The following CFAP20DC variants were observed in gnomAD, a reference collection of about 807,000 sequenced individuals.
CFAP20DC encodes protein CFAP20DC.
CFAP20DC carries 84 observed loss-of-function variants against 101.7 expected under a neutral mutation model. The observed-to-expected ratio is 0.83, with a 90% CI of 0.69 to 0.99. The LOEUF is 0.99. CFAP20DC is among the 50% of genes least tolerant of loss of function. The pLI is 0.00. For missense variants in CFAP20DC, 1,007 were observed against 970.3 expected, an observed-to-expected ratio of 1.04 and a Z score of -0.50; for synonymous variants, 359 against 351.2, an observed-to-expected ratio of 1.02 and a Z score of -0.25.
intron 14 of CFAP20DC, among the ~76,000 whole-genome samples, chr3:58,818,879 A>C (rs1237369637): frequency 7.7e-4 from 109 of 140,878 alleles, no homozygotes; most frequent in African/African-American, 1.8e-3. Flanking sequence ...AAAATTGACC[A>C]CATACTGGGA....
At chr3:58,812,339 T>C (rs558908291) in intron 14 of CFAP20DC, among the ~76,000 whole-genome samples, 2 of 152,168 alleles carry the variant, frequency 1.3e-5, no homozygotes, top group South Asian at 2.1e-4. Flanking sequence ...GATTAAGAAA[T>C]TGTGGCACAT....
intron 14 of CFAP20DC, among the ~76,000 whole-genome samples, chr3:58,813,715 A>C (rs1439122458): frequency 6.6e-6 from 1 of 151,884 alleles, no homozygotes; most frequent in African/African-American, 2.4e-5. Flanking sequence ...TTTAAATCAA[A>C]CACCCCATCT....
At chr3:58,967,409 C>T (rs1010750313) in intron 4 of CFAP20DC, among the ~76,000 whole-genome samples, 1 of 152,084 alleles carries the variant, frequency 6.6e-6, no homozygotes, top group Non-Finnish European at 1.5e-5. Context: ...AACTATACAT[C>T]TCTTAGAATA....
intron 15 of CFAP20DC, among the ~76,000 whole-genome samples, chr3:58,765,443 C>T (rs1432142966): frequency 8.8e-6 from 1 of 113,248 alleles, no homozygotes; most frequent in Non-Finnish European, 1.6e-5. Context: ...CTTAAAGAGT[C>T]ATGGTCTGAT....
chr3:59,048,732 G>A (rs1046699735), intron 1 of CFAP20DC, among the ~76,000 whole-genome samples: 5 of 152,164 alleles, frequency 3.3e-5, no homozygotes, highest in African/African-American at 4.8e-5. Flanking sequence ...CAATAAAGAG[G>A]TGGAGACGGG....
rs1219793319 is a variant in CFAP20DC, at chr3:58,892,010, T to G, written c.551-7301A>C. Among the ~76,000 whole-genome samples, 1 of 152,220 alleles carries G rather than the reference T, an allele frequency of 6.6e-6. No homozygotes were observed. Among genetic ancestry groups the G allele is most frequent in the African/African-American group, 2.4e-5 (1 of 41,466 alleles). On this transcript the variant is annotated intron_variant, in intron 6 of 16. Transcript: ENST00000482387. This position sits in a 1 kb window ranked among gnomAD's most constrained non-coding sequence, Gnocchi z 4.0. ...AATCCATCTTGAGTTGATTTTTGTA[T>G]ATGGTGTAAGAAAGGGGTCCAGCTT...
chr3:59,044,159 C>T (rs532343862), intron 3 of CFAP20DC, among the ~76,000 whole-genome samples: 5 of 152,108 alleles, frequency 3.3e-5, no homozygotes, highest in South Asian at 2.1e-4. Context: ...AAATAGGGTA[C>T]CTAATGTCAA....
chr3:58,794,497 A>G (rs1415837585), intron 15 of CFAP20DC, among the ~76,000 whole-genome samples: 5 of 152,208 alleles, frequency 3.3e-5, no homozygotes, highest in Admixed American at 2.0e-4. Flanking sequence ...TTTATATGGT[A>G]ATGAACAGCA....
chr3:58,980,610 G>C (rs1404648448), intron 4 of CFAP20DC, among the ~76,000 whole-genome samples: 3 of 152,162 alleles, frequency 2.0e-5, no homozygotes, highest in Non-Finnish European at 4.4e-5. Context: ...AAAACCACAT[G>C]ATTATCTCAA....
intron 3 of CFAP20DC, among the ~76,000 whole-genome samples, chr3:58,734,212 G>A (rs1202979844): frequency 6.6e-6 from 1 of 152,162 alleles, no homozygotes; most frequent in Non-Finnish European, 1.5e-5. Flanking sequence ...GTTTCATGAG[G>A]CCTCTCAGCC....
Position 59,005,086 on chromosome 3 carries a change from C to T in CFAP20DC, c.278+34471G>A, listed in dbSNP as rs559787901. On this transcript the variant is annotated intron_variant, in intron 4 of 16. Transcript: ENST00000482387. The stretch of plus-strand genomic sequence containing the variant: ...AACTTGGGGTATGGCCATGAACTTG[C>T]TTTGACCAACAAAATGAGGCAGAAG... 2.0e-4 allele frequency among the ~76,000 whole-genome samples: 31 copies of T among 152,238 alleles called. 1 individual carries two copies. The East Asian group carries it at 3.9e-3, about 19-fold the overall frequency.
chr3:59,029,023 C>T (rs73837017), intron 4 of CFAP20DC, among the ~76,000 whole-genome samples: 2,903 of 152,226 alleles, frequency 0.019, 82 homozygotes, highest in African/African-American at 0.065. Flanking sequence ...TCATATGTTC[C>T]CCACTGATCT....
chr3:58,757,239 T>A (rs1423699067), intron 15 of CFAP20DC, among the ~76,000 whole-genome samples: 1 of 152,086 alleles, frequency 6.6e-6, no homozygotes, highest in East Asian at 1.9e-4. Context: ...TGTGAATATT[T>A]TAATGCTTTC....
intron 6 of CFAP20DC, among the ~76,000 whole-genome samples, chr3:58,904,703 T>A (rs2083440839): frequency 6.6e-6 from 1 of 152,190 alleles, no homozygotes; most frequent in Non-Finnish European, 1.5e-5. Context: ...AATTCCATCT[T>A]GTGTGACTGC....
At chr3:58,926,470 A>C (rs1576334965) in intron 5 of CFAP20DC, among the ~76,000 whole-genome samples, 1 of 152,348 alleles carries the variant, frequency 6.6e-6, no homozygotes, top group Non-Finnish European at 1.5e-5. Context: ...TCAACATTAC[A>C]ATGAATTCTA....
chr3:58,845,634 A>T (rs1173054182), intron 13 of CFAP20DC, among the ~76,000 whole-genome samples: 5 of 152,166 alleles, frequency 3.3e-5, no homozygotes, highest in Non-Finnish European at 1.5e-5. Flanking sequence ...ATCAATACAA[A>T]AAGAGGGAAT....
At chr3:59,013,840 G>C (rs1462392978) in intron 4 of CFAP20DC, among the ~76,000 whole-genome samples, 3 of 152,086 alleles carry the variant, frequency 2.0e-5, no homozygotes, top group Non-Finnish European at 4.4e-5. Flanking sequence ...TCTTCCTACT[G>C]TTTGAATATA....
At chr3:58,821,813 A>C (rs2075668241) in intron 14 of CFAP20DC, among the ~76,000 whole-genome samples, 1 of 137,990 alleles carries the variant, frequency 7.2e-6, no homozygotes, top group Non-Finnish European at 1.6e-5. Context: ...CCAAAGGACT[A>C]TAAATCATGC....
In CFAP20DC at chr3:58,863,221, G is replaced by A; in HGVS notation, c.1593+337C>T. The A allele has an allele frequency of 7.6e-7, 1 of 1,308,496 alleles. No individual in the cohort carries two copies. Among genetic ancestry groups the A allele is most frequent in the Non-Finnish European group, 9.7e-7 (1 of 1,032,696 alleles). The allele number at this position is 1,308,496 out of a possible 1,614,324, so 81.1% of individuals were successfully genotyped here. A position where few individuals can be genotyped will look rare whatever the true frequency, so the allele number is the denominator to read the frequency against. On this transcript the variant is annotated intron_variant, in intron 12 of 16. Transcript: ENST00000482387. This position sits in a 1 kb window ranked among gnomAD's most constrained non-coding sequence, Gnocchi z 5.9. ...ACAATTTCTCCAGAGATCTAGAACA[G>A]TATATTCTCAGTGTTTTACTGGTCT...
Sources: gnomAD v4.1 joint callset for allele counts (sites outside exome capture counted in the v4.1 genomes callset) on GRCh38, gnomAD v4.1.1 for gene constraint, Gnocchi (gnomAD v3.1) non-coding constraint, MANE v1.5 for transcripts, NCBI Gene and HGNC (gene_info 2026-07-23, HGNC 2026-07-21) for gene names.